Variants in COL5A1 observed in about 807,000 individuals in gnomAD.
The protein encoded by COL5A1 is collagen alpha-1(V) chain.
A neutral mutation model predicts 263.7 loss-of-function variants in COL5A1; 16 were observed. The ratio of observed to expected loss-of-function variants is 0.06; its 90% CI spans 0.04 to 0.09. COL5A1 has a LOEUF of 0.09. Among genes scored for constraint, COL5A1 ranks in the 10% least tolerant of loss-of-function variants. The pLI is 1.00. For synonymous variants in COL5A1, 1,012 were observed against 1,004.5 expected, an observed-to-expected ratio of 1.01 and a Z score of -0.14; for missense variants, 2,036 against 2,540.5, an observed-to-expected ratio of 0.80 and a Z score of 4.27.
chr9:134,761,064 C>T (rs1345445580), intron 18 of COL5A1, among the ~76,000 whole-genome samples: 1 of 150,324 alleles, frequency 6.7e-6, no homozygotes, highest in Non-Finnish European at 1.5e-5. Context: ...CTCACACCCA[C>T]ATGCACACAC....
chr9:134,740,591 C>T (rs138539740), intron 11 of COL5A1, among the ~76,000 whole-genome samples: 136 of 152,348 alleles, frequency 8.9e-4, no homozygotes, highest in Non-Finnish European at 1.6e-3. Flanking sequence ...GCTCCGTCCT[C>T]CTTCTATCCA....
Position 134,818,703 on chromosome 9 carries a change from C to T in COL5A1, c.4278C>T (p.Gly1426=). The T allele has an allele frequency of 3.7e-6, 6 of 1,610,428 alleles. No individual in the cohort carries two copies. Among genetic ancestry groups the T allele is most frequent in the Non-Finnish European group, 5.1e-6 (6 of 1,178,882 alleles). The stretch of plus-strand genomic sequence containing the variant: ...CTCCTGGGAAGACTGGCCCCATCGG[C>T]CCCCAGGGGGCCCCTGGGAAGCCCG... The part of the protein sequence containing the change: ...EGPPGKTGPI[G]PQGAPGKPGP... Residue 1426 remains glycine (G), a synonymous_variant, in exon 55 of 66, where the codon GGC becomes GGT. Coordinates refer to ENST00000371817, the MANE Select transcript of COL5A1 (RefSeq NM_000093.5). This position sits in a 1 kb window ranked among gnomAD's most constrained non-coding sequence, Gnocchi z 6.0.
chr9:134,813,891 C>T, intron 48 of COL5A1, 92 bp from the exon 49 acceptor site: 1 of 1,422,924 alleles, frequency 7.0e-7, no homozygotes, highest in Non-Finnish European at 9.7e-7. Flanking sequence ...GGCAGGCAGA[C>T]AGCAGGCAGG....
chr9:134,797,683 G>T (rs1043221657), intron 36 of COL5A1, among the ~76,000 whole-genome samples: 2 of 152,088 alleles, frequency 1.3e-5, no homozygotes, highest in East Asian at 1.9e-4. Context: ...GGGTTTCACC[G>T]TGTTGGCCAG....
At chr9:134,828,531 TACCACACACCACAGAGATACGC>T (rs1188523346) in intron 63 of COL5A1, among the ~76,000 whole-genome samples, 1 of 132,164 alleles carries the variant, frequency 7.6e-6, no homozygotes, top group East Asian at 2.3e-4. Context: ...ACGATACACA[TACCACACACCACAGAGATACGC>T]ACCACACACA....
intron 4 of COL5A1, among the ~76,000 whole-genome samples, chr9:134,723,323 T>TA (rs71505314): frequency 0.41 from 61,817 of 151,892 alleles, 14,433 homozygotes; most frequent in African/African-American, 0.65. Flanking sequence ...TGCGGGGGGT[T>TA]CAGTCCCTGA....
At chr9:134,644,115 C>G (rs1234609191) in intron 1 of COL5A1, among the ~76,000 whole-genome samples, 3 of 151,946 alleles carry the variant, frequency 2.0e-5, no homozygotes, top group African/African-American at 7.3e-5. Flanking sequence ...GCCAACGTCT[C>G]TCCACCTCCC....
chr9:134,840,411 C>A (rs571443709), intron 65 of COL5A1, among the ~76,000 whole-genome samples: 1 of 152,166 alleles, frequency 6.6e-6, no homozygotes, highest in African/African-American at 2.4e-5. Context: ...CTTCTCACAG[C>A]GCCTCTGTGA....
At chr9:134,666,743 G>T (rs985729923) in intron 1 of COL5A1, among the ~76,000 whole-genome samples, 1 of 152,196 alleles carries the variant, frequency 6.6e-6, no homozygotes. Context: ...TCTGCCAGCG[G>T]GTATGGGGAC....
Position 134,700,263 on chromosome 9 carries a change from G to A in COL5A1, c.491+141G>A. 1 of 807,530 alleles carries A rather than the reference G, an allele frequency of 1.2e-6. No individual in the cohort carries two copies. The highest frequency in any genetic ancestry group is 2.0e-6 in the Non-Finnish European group (1 of 507,886). 50.0% of individuals were successfully genotyped at this position (807,530 alleles called of 1,614,324 possible). On this transcript the variant is annotated intron_variant, in intron 3 of 65. Transcript: ENST00000371817. The surrounding 1 kb of genome is among the most constrained non-coding windows in gnomAD (Gnocchi z 4.0). The stretch of plus-strand genomic sequence containing the variant: ...CCCACAGACGCCGCAGCAGAGGAGA[G>A]GGTGCTGGGCTTGGAGTCCTGAAAC...
At chr9:134,805,638 G>A (rs557522479) in intron 41 of COL5A1, among the ~76,000 whole-genome samples, 1 of 152,304 alleles carries the variant, frequency 6.6e-6, no homozygotes, top group Admixed American at 6.5e-5. Flanking sequence ...GGGCAGGATG[G>A]CCCTCACGAT....
intron 57 of COL5A1, among the ~76,000 whole-genome samples, chr9:134,819,408 A>T (rs2132866433): frequency 6.6e-6 from 1 of 152,328 alleles, no homozygotes; most frequent in East Asian, 1.9e-4. Context: ...AGGTGTGAGG[A>T]CATTTCTGCA....
rs541413944 is a variant in COL5A1 at position 134,750,314 on chromosome 9, C to G, written c.1495-228C>G. ...TCTATATCCAGCTCAGACCTCCCTC[C>G]CTTCTTATCCCTCCCTCCAAAGCCT... On this transcript the variant is annotated intron_variant, in intron 11 of 65. Coordinates refer to ENST00000371817, the MANE Select transcript of COL5A1 (RefSeq NM_000093.5). 3.3e-5 allele frequency among the ~76,000 whole-genome samples: 5 copies of G among 152,320 alleles called. No homozygotes were observed. In the East Asian group the frequency reaches 9.7e-4, roughly 29 times the overall value.
rs763597344 is a variant in COL5A1, at chr9:134,765,631, G to C, written c.2035-50G>C. 39 of 1,541,564 alleles carry C rather than the reference G, an allele frequency of 2.5e-5. No individual in the cohort carries two copies. In the Admixed American group the frequency reaches 3.2e-4, roughly 13 times the overall value. ...GTGGGCATAGGGGACAGAGAGGAGG[G>C]CTGGGATTTCTGCCCGAGTTTAAAT... is the stretch of plus-strand genomic sequence containing the variant. On this transcript the variant is annotated intron_variant, in intron 20 of 65. Coordinates refer to ENST00000371817, the MANE Select transcript of COL5A1 (RefSeq NM_000093.5). This position sits in a 1 kb window ranked among gnomAD's most constrained non-coding sequence, Gnocchi z 5.1.
chr9:134,810,735 C>T (rs1838491727), intron 44 of COL5A1, among the ~76,000 whole-genome samples: 1 of 152,226 alleles, frequency 6.6e-6, no homozygotes, highest in Non-Finnish European at 1.5e-5. Context: ...AACCCCATGA[C>T]TCTGCTACCA....
intron 11 of COL5A1, among the ~76,000 whole-genome samples, chr9:134,747,470 C>A (rs1004748998): frequency 6.6e-6 from 1 of 152,148 alleles, no homozygotes; most frequent in Non-Finnish European, 1.5e-5. Context: ...CAAACGTACA[C>A]ATGCATACAC....
intron 65 of COL5A1, among the ~76,000 whole-genome samples, chr9:134,836,531 C>T (rs969906450): frequency 3.9e-5 from 6 of 152,324 alleles, no homozygotes; most frequent in South Asian, 2.1e-4. Flanking sequence ...GCGTTAGGGC[C>T]GGCCCTGCAG....
At chr9:134,651,038 C>T (rs57523855) in intron 1 of COL5A1, among the ~76,000 whole-genome samples, 2,999 of 152,288 alleles carry the variant, frequency 0.02, 108 homozygotes, top group African/African-American at 0.069. Flanking sequence ...GTGAGGGCGG[C>T]GTGGCTCCGC....
Position 134,701,318 on chromosome 9 carries a change from TGAG to T in COL5A1, c.644_646del (p.Glu215del). On this transcript the variant is annotated inframe_deletion, in exon 4 of 66. Transcript: ENST00000371817. ...TCGTGTTTGGCACCCGGATCCTGGA[TGAG>T]GAGGTGTTTGAGGTGAGCAGGAGGG... The T allele has an allele frequency of 1.2e-6, 2 of 1,613,662 alleles. No homozygotes were observed. The highest frequency in any genetic ancestry group is 1.7e-6 in the Non-Finnish European group (2 of 1,179,910).
Sources: gnomAD v4.1 joint callset for allele counts (sites outside exome capture counted in the v4.1 genomes callset) on GRCh38, gnomAD v4.1.1 for gene constraint, Gnocchi (gnomAD v3.1) non-coding constraint, MANE v1.5 for transcripts, NCBI Gene and HGNC (gene_info 2026-07-23, HGNC 2026-07-21) for gene names.